Variants in CDK14 observed in about 807,000 individuals in gnomAD.
CDK14 encodes cyclin dependent kinase 14.
A neutral mutation model predicts 60.7 loss-of-function variants in CDK14; 34 were observed. That is an observed-to-expected ratio of 0.56 (90% CI 0.43 to 0.75). The LOEUF (loss-of-function observed/expected upper bound fraction) is 0.75. CDK14 is among the 30% of genes least tolerant of loss of function. The pLI is 0.00. For synonymous variants in CDK14, 197 were observed against 203.7 expected, an observed-to-expected ratio of 0.97 and a Z score of 0.28; for missense variants, 482 against 564.1, an observed-to-expected ratio of 0.85 and a Z score of 1.47.
intron 12 of CDK14, among the ~76,000 whole-genome samples, chr7:91,093,262 C>A (rs1351337275): frequency 6.6e-6 from 1 of 152,146 alleles, no homozygotes; most frequent in Non-Finnish European, 1.5e-5. Flanking sequence ...TGCTTTTGCA[C>A]TGTTGCGTTG....
At chr7:91,203,514 A>G (rs1212062827) in intron 14 of CDK14, among the ~76,000 whole-genome samples, 1 of 152,214 alleles carries the variant, frequency 6.6e-6, no homozygotes, top group East Asian at 1.9e-4. Context: ...TCTCTGGTTC[A>G]GGAAGTCATT....
At chr7:90,794,717 A>G (rs962457366) in intron 5 of CDK14, among the ~76,000 whole-genome samples, 1 of 152,180 alleles carries the variant, frequency 6.6e-6, no homozygotes. Flanking sequence ...AGTTAACACA[A>G]TCATCACAGG....
intron 8 of CDK14, among the ~76,000 whole-genome samples, chr7:90,929,295 T>C (rs536536566): frequency 6.6e-6 from 1 of 152,346 alleles, no homozygotes; most frequent in East Asian, 1.9e-4. Flanking sequence ...GCATTGCTCA[T>C]GCTGGGAGCT....
chr7:90,685,517 AC>A (rs1381669636), intron 2 of CDK14, among the ~76,000 whole-genome samples: 1 of 151,920 alleles, frequency 6.6e-6, no homozygotes, highest in Non-Finnish European at 1.5e-5. Flanking sequence ...TTGTTCTGTC[AC>A]CCAGGCTGGA....
At chr7:90,794,414 A>C (rs1805966210) in intron 5 of CDK14, among the ~76,000 whole-genome samples, 1 of 152,286 alleles carries the variant, frequency 6.6e-6, no homozygotes, top group South Asian at 2.1e-4. Context: ...ATGGGAGACC[A>C]GGGCTTATTT....
intron 5 of CDK14, among the ~76,000 whole-genome samples, chr7:90,844,565 T>G (rs1482094142): frequency 6.6e-6 from 1 of 152,168 alleles, no homozygotes; most frequent in Non-Finnish European, 1.5e-5. Flanking sequence ...GAAAATTATC[T>G]GTTTTCTGGC....
chr7:90,649,260 C>CTTTGTTTCTTTGTTTGTTTG (rs1563029655), intron 2 of CDK14, among the ~76,000 whole-genome samples: 1 of 42,914 alleles, frequency 2.3e-5, no homozygotes, highest in Non-Finnish European at 4.7e-5. Flanking sequence ...TTCTTTCTTT[C>CTTTGTTTCTTTGTTTGTTTG]TTTCTTTCTT....
intron 11 of CDK14, among the ~76,000 whole-genome samples, chr7:91,051,233 A>G (rs1051438076): frequency 1.3e-5 from 2 of 152,140 alleles, no homozygotes; most frequent in African/African-American, 2.4e-5. Flanking sequence ...ATCTGCCCCT[A>G]TGACCCAAAC....
At chr7:90,740,968 C>A (rs1033052036) in intron 3 of CDK14, among the ~76,000 whole-genome samples, 16 of 152,060 alleles carry the variant, frequency 1.1e-4, no homozygotes. Context: ...ATGATGCCGA[C>A]AGTGTTATGT....
chr7:90,820,084 A>G (rs912581670), intron 5 of CDK14, among the ~76,000 whole-genome samples: 2 of 152,064 alleles, frequency 1.3e-5, no homozygotes, highest in Non-Finnish European at 2.9e-5. Flanking sequence ...AAGGGTTGCC[A>G]GATTAGATTT....
At chr7:90,916,680 G>A (rs1314512383) in intron 7 of CDK14, among the ~76,000 whole-genome samples, 2 of 152,146 alleles carry the variant, frequency 1.3e-5, no homozygotes, top group Non-Finnish European at 2.9e-5. Flanking sequence ...GCACTTAAAA[G>A]TAAGAACATT....
chr7:91,132,637 TAAGTA>T (rs1228734976), intron 14 of CDK14, among the ~76,000 whole-genome samples: 8 of 152,152 alleles, frequency 5.3e-5, no homozygotes, highest in African/African-American at 1.9e-4. Flanking sequence ...GTCTTGAAAT[TAAGTA>T]AAGAAAATAA....
intron 2 of CDK14, among the ~76,000 whole-genome samples, chr7:90,688,597 C>A (rs981562493): frequency 6.6e-6 from 1 of 151,996 alleles, no homozygotes; most frequent in Non-Finnish European, 1.5e-5. Context: ...GAGGTATTAA[C>A]AAAAAACTGC....
At chr7:90,717,013 T>C (rs1802272188) in intron 2 of CDK14, among the ~76,000 whole-genome samples, 1 of 152,084 alleles carries the variant, frequency 6.6e-6, no homozygotes, top group Non-Finnish European at 1.5e-5. Flanking sequence ...GGTTAACTTT[T>C]CCAGATGAAA....
intron 4 of CDK14, among the ~76,000 whole-genome samples, chr7:90,770,693 G>A (rs757572293): frequency 6.6e-6 from 1 of 152,130 alleles, no homozygotes; most frequent in Non-Finnish European, 1.5e-5. Flanking sequence ...CTTTAAATGT[G>A]CTTTGCTGCC....
chr7:90,794,540 A>T (rs1235684982), intron 5 of CDK14, among the ~76,000 whole-genome samples: 2 of 152,214 alleles, frequency 1.3e-5, no homozygotes, highest in African/African-American at 4.8e-5. Flanking sequence ...AAAAGAATTC[A>T]GCGATATTTC....
Position 91,023,014 on chromosome 7 carries a change from A to ATT in CDK14, c.1042-22872_1042-22871dup, listed in dbSNP as rs764692685. On this transcript the variant is annotated intron_variant, in intron 10 of 14. Coordinates refer to ENST00000380050, the MANE Select transcript of CDK14 (RefSeq NM_001287135.2). The stretch of plus-strand genomic sequence containing the variant: ...AATATTTCAAGCCTTTGAAGTATAT[A>ATT]TTTTTTTTTTTTCGTCTAATGAAAC... Among the ~76,000 whole-genome samples the ATT allele has an allele frequency of 6.0e-3, 584 of 97,538 alleles. 5 individuals carry two copies. The highest frequency in any genetic ancestry group is 0.035 in the South Asian group (89 of 2,522). The allele number at this position is 97,538 out of a possible 152,430, so 64.0% of individuals were successfully genotyped here.
chr7:90,695,996 C>T (rs976802109), intron 2 of CDK14, among the ~76,000 whole-genome samples: 1 of 152,144 alleles, frequency 6.6e-6, no homozygotes, highest in Admixed American at 6.5e-5. Context: ...TAGACTGCAT[C>T]GGGAAGAAGA....
intron 4 of CDK14, among the ~76,000 whole-genome samples, chr7:90,766,349 T>C (rs1002978259): frequency 6.6e-6 from 1 of 152,256 alleles, no homozygotes; most frequent in East Asian, 1.9e-4. Flanking sequence ...GAAGAATGTA[T>C]GTAAGCAAAT....
Sources: gnomAD v4.1 joint callset for allele counts (sites outside exome capture counted in the v4.1 genomes callset) on GRCh38, gnomAD v4.1.1 for gene constraint, MANE v1.5 for transcripts, NCBI Gene and HGNC (gene_info 2026-07-23, HGNC 2026-07-21) for gene names.